PPHLN1: variants seen among roughly 807,000 people sequenced by gnomAD.
PPHLN1 encodes the protein periphilin-1.
In PPHLN1, 29 loss-of-function variants were observed where a neutral mutation model predicts 51.3. The ratio of observed to expected loss-of-function variants is 0.57; its 90% CI spans 0.42 to 0.77. The LOEUF (loss-of-function observed/expected upper bound fraction) is 0.77. Among genes scored for constraint, PPHLN1 ranks in the 30% least tolerant of loss-of-function variants. The pLI is 0.00. For missense variants in PPHLN1, 436 were observed against 438.4 expected, an observed-to-expected ratio of 0.99 and a Z score of 0.05; for synonymous variants, 147 against 147.8, an observed-to-expected ratio of 0.99 and a Z score of 0.04.
At chr12:42,439,367 GCT>G (rs2082744118) in intron 9 of PPHLN1, among the ~76,000 whole-genome samples, 1 of 152,192 alleles carries the variant, frequency 6.6e-6, no homozygotes, top group African/African-American at 2.4e-5. Context: ...TTACTTCTGT[GCT>G]CTGTTTTAAA....
At chr12:42,382,123 G>A (rs904012110) in intron 5 of PPHLN1, among the ~76,000 whole-genome samples, 7 of 152,112 alleles carry the variant, frequency 4.6e-5, no homozygotes, top group Admixed American at 1.3e-4. Context: ...AAACACAGCA[G>A]CAAGAAAGTG....
chr12:42,355,084 C>G (rs1331282057), intron 3 of PPHLN1, 77 bp from the exon 4 acceptor site: 4 of 1,324,756 alleles, frequency 3.0e-6, no homozygotes, highest in Non-Finnish European at 4.3e-6. Flanking sequence ...GGTCTAGTTT[C>G]TGGTAGTATT....
chr12:42,431,909 T>A, intron 9 of PPHLN1: 1 of 1,589,760 alleles, frequency 6.3e-7, no homozygotes, highest in South Asian at 1.1e-5. Context: ...TCTTCATCAG[T>A]CCTTCGTCTA....
intron 1 of PPHLN1, among the ~76,000 whole-genome samples, chr12:42,335,526 A>G (rs564857154): frequency 6.6e-6 from 1 of 152,224 alleles, no homozygotes; most frequent in Admixed American, 6.5e-5. Context: ...AGCCATTTAA[A>G]CGATTCATTA....
intron 2 of PPHLN1, among the ~76,000 whole-genome samples, chr12:42,341,302 C>T (rs1283602896): frequency 6.6e-6 from 1 of 151,952 alleles, no homozygotes; most frequent in African/African-American, 2.4e-5. Context: ...TTAGTACACT[C>T]TTTGCCCCAT....
chr12:42,407,180 T>C (rs2079388342), intron 9 of PPHLN1, among the ~76,000 whole-genome samples: 1 of 152,198 alleles, frequency 6.6e-6, no homozygotes, highest in South Asian at 2.1e-4. Flanking sequence ...GAGCTTTGAA[T>C]TTTGTAGAAA....
At chr12:42,335,137 T>TA (rs1274704302) in intron 1 of PPHLN1, among the ~76,000 whole-genome samples, 1 of 152,166 alleles carries the variant, frequency 6.6e-6, no homozygotes, top group Non-Finnish European at 1.5e-5. Flanking sequence ...TTCTTGTGGC[T>TA]ATATACCCTT....
chr12:42,446,097 T>A (rs539718091), downstream of PPHLN1: 5 of 1,552,730 alleles, frequency 3.2e-6, no homozygotes, highest in African/African-American at 6.8e-5. Context: ...CCGCAGCCCC[T>A]GCAGCCCCGG....
At chr12:42,416,170 G>A (rs927290311) in intron 9 of PPHLN1, among the ~76,000 whole-genome samples, 3 of 152,030 alleles carry the variant, frequency 2.0e-5, no homozygotes, top group African/African-American at 2.4e-5. Context: ...TTAAAATCTC[G>A]CCTCCTGTAC....
intron 8 of PPHLN1, 57 bp from the exon 9 acceptor site, chr12:42,398,797 C>A: frequency 6.5e-7 from 1 of 1,547,058 alleles, no homozygotes. Flanking sequence ...ACACAACCAT[C>A]TGAACTGCTC....
intron 5 of PPHLN1, among the ~76,000 whole-genome samples, chr12:42,380,043 G>A (rs2076626704): frequency 6.6e-6 from 1 of 151,994 alleles, no homozygotes; most frequent in South Asian, 2.1e-4. Flanking sequence ...GGAAGACCCT[G>A]TCAGGTGTTT....
chr12:42,419,687 C>A (rs2080811679), intron 9 of PPHLN1, among the ~76,000 whole-genome samples: 1 of 152,008 alleles, frequency 6.6e-6, no homozygotes. Flanking sequence ...TCATTTTTGG[C>A]CTAAATAGAA....
At chr12:42,330,008 G>A (rs1422584257) in intron 1 of PPHLN1, 2 of 152,338 alleles carry the variant, frequency 1.3e-5, no homozygotes, top group Admixed American at 6.5e-5. Context: ...GGAGAACAGG[G>A]TGATAGTGGG....
In PPHLN1 at chr12:42,393,599, A is replaced by G. The variant is rs769790984; in HGVS notation, c.678A>G (p.Glu226=). 9 of 1,610,044 alleles carry G rather than the reference A, an allele frequency of 5.6e-6. No individual in the cohort carries two copies. Among genetic ancestry groups the G allele is most frequent in the Non-Finnish European group, 7.6e-6 (9 of 1,178,570 alleles). ...KVLDKPSRLT[E]KELAEAASKW... ...TAGACAAACCCAGTAGGCTAACTGA[A>G]AAGGAACTTGCTGAGGCTGCAAGCA... Residue 226 remains glutamate (E), a synonymous_variant, in exon 8 of 10, where the codon GAA becomes GAG. Coordinates refer to ENST00000358314, the MANE Select transcript of PPHLN1 (RefSeq NM_201439.2).
chr12:42,416,968 G>A (rs2139620246), intron 9 of PPHLN1, among the ~76,000 whole-genome samples: 1 of 152,348 alleles, frequency 6.6e-6, no homozygotes, highest in East Asian at 1.9e-4. Flanking sequence ...TGATGGGCTT[G>A]TGGATGAATT....
At chr12:42,425,361 G>A (rs2081363421) in intron 9 of PPHLN1, among the ~76,000 whole-genome samples, 1 of 151,036 alleles carries the variant, frequency 6.6e-6, no homozygotes, top group South Asian at 2.1e-4. Flanking sequence ...AGAGTGCTGG[G>A]ATTACAGGCG....
At chr12:42,424,024 T>C (rs1483552939) in intron 9 of PPHLN1, among the ~76,000 whole-genome samples, 1 of 152,178 alleles carries the variant, frequency 6.6e-6, no homozygotes, top group Non-Finnish European at 1.5e-5. Flanking sequence ...AATAGAGGCT[T>C]GTGAAGCACC....
chr12:42,367,373 A>C (rs1000142038), intron 4 of PPHLN1, among the ~76,000 whole-genome samples: 1 of 152,124 alleles, frequency 6.6e-6, no homozygotes, highest in African/African-American at 2.4e-5. Flanking sequence ...GTATAAAAAC[A>C]CAATTTATGA....
At chr12:42,416,970 G>A (rs926993887) in intron 9 of PPHLN1, among the ~76,000 whole-genome samples, 13 of 152,286 alleles carry the variant, frequency 8.5e-5, no homozygotes, top group Middle Eastern at 3.4e-3. Flanking sequence ...ATGGGCTTGT[G>A]GATGAATTTT....
Sources: gnomAD v4.1 joint callset for allele counts (sites outside exome capture counted in the v4.1 genomes callset) on GRCh38, gnomAD v4.1.1 for gene constraint, MANE v1.5 for transcripts, NCBI Gene and HGNC (gene_info 2026-07-23, HGNC 2026-07-21) for gene names.